The following CERS6 variants were observed in gnomAD, a reference collection of about 807,000 sequenced individuals.
CERS6 encodes the protein ceramide synthase 6, also known as LAG1 homolog, ceramide synthase 6.
Under a neutral mutation model 56.8 loss-of-function variants are expected in CERS6, and 26 were observed. The observed-to-expected ratio is 0.46, with a 90% CI of 0.34 to 0.63. The LOEUF (loss-of-function observed/expected upper bound fraction) is 0.63, where lower values mean the gene tolerates loss of function less well. Ranked by LOEUF, CERS6 falls within the 30% of genes least tolerant of loss-of-function variation. The pLI, the probability that CERS6 is intolerant of heterozygous loss-of-function variation, is 0.01. For synonymous variants in CERS6, 164 were observed against 173.3 expected, an observed-to-expected ratio of 0.95 and a Z score of 0.42; for missense variants, 415 against 467.5, an observed-to-expected ratio of 0.89 and a Z score of 1.04.
chr2:168,696,662 A>T (rs1187389740), intron 6 of CERS6, among the ~76,000 whole-genome samples: 1 of 152,192 alleles, frequency 6.6e-6, no homozygotes, highest in Non-Finnish European at 1.5e-5. Flanking sequence ...CCACTTTCTC[A>T]TAGATGACAA....
intron 2 of CERS6, among the ~76,000 whole-genome samples, chr2:168,551,334 C>A (rs1280501900): frequency 6.6e-6 from 1 of 152,128 alleles, no homozygotes; most frequent in African/African-American, 2.4e-5. Flanking sequence ...TTTATAAACA[C>A]TTTATAGAAA....
chr2:168,719,934 A>C (rs1348138127), intron 8 of CERS6, among the ~76,000 whole-genome samples: 2 of 151,990 alleles, frequency 1.3e-5, no homozygotes, highest in Non-Finnish European at 2.9e-5. Flanking sequence ...GTATATTCAA[A>C]ATAGTATTTT....
At chr2:168,623,288 A>G (rs548193021) in intron 3 of CERS6, among the ~76,000 whole-genome samples, 3 of 152,268 alleles carry the variant, frequency 2.0e-5, no homozygotes, top group Non-Finnish European at 4.4e-5. Flanking sequence ...TTGAAAGATA[A>G]CAAACTTGTA....
chr2:168,739,493 T>C (rs16855756), intron 8 of CERS6, among the ~76,000 whole-genome samples: 14,319 of 152,088 alleles, frequency 0.094, 1,043 homozygotes, highest in East Asian at 0.44. Flanking sequence ...AACAAGATGA[T>C]CTCACTAAGA....
At chr2:168,626,314 C>T (rs1684589773) in intron 3 of CERS6, among the ~76,000 whole-genome samples, 1 of 152,142 alleles carries the variant, frequency 6.6e-6, no homozygotes, top group Non-Finnish European at 1.5e-5. Flanking sequence ...CTCCCTAGAA[C>T]ATGTGCTGAG....
intron 4 of CERS6, among the ~76,000 whole-genome samples, chr2:168,689,924 C>A (rs1686455598): frequency 6.6e-6 from 1 of 152,078 alleles, no homozygotes; most frequent in Non-Finnish European, 1.5e-5. Context: ...GGGTTTGGGA[C>A]CAGAGAGTCT....
intron 1 of CERS6, among the ~76,000 whole-genome samples, chr2:168,517,356 G>A (rs149207124): frequency 1.4e-4 from 21 of 152,006 alleles, no homozygotes; most frequent in African/African-American, 5.1e-4. Context: ...GCTGGGCATT[G>A]TGGGGCGTGC....
chr2:168,603,189 T>C (rs1683974794), intron 3 of CERS6, among the ~76,000 whole-genome samples: 1 of 152,206 alleles, frequency 6.6e-6, no homozygotes, highest in Non-Finnish European at 1.5e-5. Context: ...TGTCATTTTG[T>C]AAAAAGAGAA....
intron 3 of CERS6, among the ~76,000 whole-genome samples, chr2:168,585,234 G>A (rs947549852): frequency 1.3e-5 from 2 of 152,228 alleles, no homozygotes; most frequent in African/African-American, 4.8e-5. Context: ...GGCCCAGATA[G>A]AATGAGTTTA....
intron 1 of CERS6, among the ~76,000 whole-genome samples, 168 bp from the exon 2 acceptor site, chr2:168,547,428 C>A (rs1440662909): frequency 6.6e-6 from 1 of 151,982 alleles, no homozygotes; most frequent in East Asian, 1.9e-4. Context: ...GAGAGAAAAA[C>A]GGTTAAGTCT....
intron 1 of CERS6, among the ~76,000 whole-genome samples, chr2:168,489,325 A>G (rs1694327314): frequency 6.6e-6 from 1 of 151,956 alleles, no homozygotes; most frequent in African/African-American, 2.4e-5. Context: ...TGAATACTTT[A>G]TTTTTGCTTT....
rs149007294 is a variant in CERS6 at position 168,600,700 on chromosome 2, A to G, written c.408-30285A>G. On this transcript the variant is annotated intron_variant, in intron 3 of 9. Coordinates refer to ENST00000305747, the MANE Select transcript of CERS6 (RefSeq NM_203463.3). ...CTGAGTTGTGGTTATTTGTATATTT[A>G]TTCCATCTCATTTCTTGACTGGAGA... is the stretch of plus-strand genomic sequence containing the variant. 1.5e-4 allele frequency among the ~76,000 whole-genome samples: 23 copies of G among 152,232 alleles called. 1 individual carries two copies. The highest frequency in any genetic ancestry group is 4.1e-4 in the African/African-American group (17 of 41,534).
intron 4 of CERS6, among the ~76,000 whole-genome samples, chr2:168,662,219 A>G (rs1402547222): frequency 6.6e-6 from 1 of 150,580 alleles, no homozygotes; most frequent in African/African-American, 2.5e-5. Flanking sequence ...TACTTTTTCT[A>G]ACCAACTTAA....
chr2:168,754,093 G>A (rs1684354524), intron 8 of CERS6, among the ~76,000 whole-genome samples: 1 of 152,122 alleles, frequency 6.6e-6, no homozygotes, highest in Non-Finnish European at 1.5e-5. Context: ...GAGAAGCCAG[G>A]CATCAAATAC....
At chr2:168,699,114 C>A (rs1260380712) in intron 6 of CERS6, among the ~76,000 whole-genome samples, 1 of 152,190 alleles carries the variant, frequency 6.6e-6, no homozygotes, top group Non-Finnish European at 1.5e-5. Context: ...TTGCGTCTTG[C>A]TGAATGGCCC....
At chr2:168,536,461 TCACA>T (rs752241425) in intron 1 of CERS6, among the ~76,000 whole-genome samples, 2 of 151,866 alleles carry the variant, frequency 1.3e-5, no homozygotes, top group Non-Finnish European at 2.9e-5. Flanking sequence ...GCTGCTTTTG[TCACA>T]CACACAGTGA....
At chr2:168,538,371 A>T (rs947732182) in intron 1 of CERS6, among the ~76,000 whole-genome samples, 1 of 152,034 alleles carries the variant, frequency 6.6e-6, no homozygotes, top group Admixed American at 6.5e-5. Context: ...CCTTCTGGAT[A>T]TGCCTTCAGC....
At chr2:168,703,787 T>C (rs566924595) in intron 6 of CERS6, among the ~76,000 whole-genome samples, 1 of 152,298 alleles carries the variant, frequency 6.6e-6, no homozygotes, top group Non-Finnish European at 1.5e-5. Flanking sequence ...AGTTGCTCTT[T>C]TATGCAACTT....
intron 1 of CERS6, among the ~76,000 whole-genome samples, chr2:168,542,467 A>G (rs935114124): frequency 1.3e-5 from 2 of 152,234 alleles, no homozygotes; most frequent in Non-Finnish European, 2.9e-5. Flanking sequence ...ATTTTATCAC[A>G]TGTGTAGGTT....
Sources: gnomAD v4.1 joint callset for allele counts (sites outside exome capture counted in the v4.1 genomes callset) on GRCh38, gnomAD v4.1.1 for gene constraint, MANE v1.5 for transcripts, NCBI Gene and HGNC (gene_info 2026-07-23, HGNC 2026-07-21) for gene names.